Variants in HIVEP3 observed in about 807,000 individuals in gnomAD.
HIVEP3 encodes the protein transcription factor HIVEP3.
In HIVEP3, 49 loss-of-function variants were observed where a neutral mutation model predicts 152.8. That is an observed-to-expected ratio of 0.32 (90% CI 0.26 to 0.41). The LOEUF is 0.41. HIVEP3 is among the 10% of genes least tolerant of loss of function. The probability of loss-of-function intolerance (pLI) is 1.00; values close to 1 mark genes in which losing one functional copy is unlikely to be tolerated. For synonymous variants in HIVEP3, 1,269 were observed against 1,289.0 expected (o/e 0.98, Z 0.33); for missense variants, 2,790 against 3,103.3 (o/e 0.90, Z 2.40).
At chr1:41,927,843 C>T (rs774563013) in intron 1 of HIVEP3, among the ~76,000 whole-genome samples, 41 of 152,122 alleles carry the variant, frequency 2.7e-4, no homozygotes, top group Non-Finnish European at 5.9e-4. Flanking sequence ...GGGCAGATCA[C>T]GAAGTCAGGA....
At chr1:41,899,311 G>A (rs1209793124) in intron 1 of HIVEP3, among the ~76,000 whole-genome samples, 1 of 152,194 alleles carries the variant, frequency 6.6e-6, no homozygotes, top group Admixed American at 6.5e-5. Flanking sequence ...AGAAGAGTAG[G>A]ATGTCTACCT....
chr1:41,877,131 C>G (rs139621031), intron 1 of HIVEP3, among the ~76,000 whole-genome samples: 201 of 152,254 alleles, frequency 1.3e-3, no homozygotes, highest in African/African-American at 4.6e-3. Context: ...CAGGAGAATA[C>G]CTTAATTTAA....
At chr1:41,827,854 C>A (rs1235684539) in intron 1 of HIVEP3, among the ~76,000 whole-genome samples, 2 of 151,550 alleles carry the variant, frequency 1.3e-5, no homozygotes, top group African/African-American at 4.9e-5. Context: ...AGGATATGGG[C>A]AGGGCTTGGG....
chr1:41,615,815 CTTTTTTTTTTTTTT>C (rs747478470), intron 3 of HIVEP3, among the ~76,000 whole-genome samples: 17 of 47,022 alleles, frequency 3.6e-4, no homozygotes, highest in Admixed American at 1.1e-3. Flanking sequence ...TTTGACAAGT[CTTTTTTTTTTTTTT>C]TTTTTTTTTT....
chr1:41,947,250 C>T (rs916214655), intron 1 of HIVEP3, among the ~76,000 whole-genome samples: 5 of 152,156 alleles, frequency 3.3e-5, no homozygotes, highest in African/African-American at 1.2e-4. Context: ...TTTAGCCACC[C>T]GTTCAGAAAC....
chr1:41,677,622 T>C (rs1645976439), intron 2 of HIVEP3, among the ~76,000 whole-genome samples: 1 of 152,240 alleles, frequency 6.6e-6, no homozygotes, highest in Non-Finnish European at 1.5e-5. Context: ...CAGCTAGTCT[T>C]GTTTCTAAGA....
chr1:41,980,752 T>C (rs80135316), intron 1 of HIVEP3, among the ~76,000 whole-genome samples: 2,298 of 152,310 alleles, frequency 0.015, 57 homozygotes, highest in African/African-American at 0.053. Context: ...CTGAGGGCCA[T>C]GGGCTCGAGC....
At chr1:41,824,923 G>T (rs12070943) in intron 1 of HIVEP3, among the ~76,000 whole-genome samples, 6,674 of 151,386 alleles carry the variant, frequency 0.044, 504 homozygotes, top group African/African-American at 0.15. Context: ...GCACAGGCTG[G>T]AGGGCAATGG....
intron 1 of HIVEP3, among the ~76,000 whole-genome samples, chr1:41,806,860 G>A (rs1650652021): frequency 2.6e-5 from 4 of 152,104 alleles, no homozygotes; most frequent in South Asian, 2.1e-4. Context: ...AGGTCAAGAC[G>A]ACAGGACTGA....
At chr1:41,621,890 T>A (rs1349077152) in intron 3 of HIVEP3, among the ~76,000 whole-genome samples, 2 of 152,188 alleles carry the variant, frequency 1.3e-5, no homozygotes, top group Admixed American at 6.5e-5. Context: ...CAAGTCTCTT[T>A]CCCACCCTGC....
intron 1 of HIVEP3, among the ~76,000 whole-genome samples, chr1:41,863,449 T>G (rs525382): frequency 0.91 from 137,873 of 152,240 alleles, 62,754 homozygotes; most frequent in African/African-American, 0.98. Flanking sequence ...TATAGGTTCT[T>G]GGAATGGGAC....
intron 5 of HIVEP3, among the ~76,000 whole-genome samples, chr1:41,541,297 T>G (rs1194992013): frequency 6.6e-6 from 1 of 152,214 alleles, no homozygotes; most frequent in Admixed American, 6.5e-5. Context: ...ATTTCTCTAA[T>G]CCACTCTATG....
chr1:41,863,610 G>A (rs1396503689), intron 1 of HIVEP3, among the ~76,000 whole-genome samples: 1 of 152,208 alleles, frequency 6.6e-6, no homozygotes, highest in African/African-American at 2.4e-5. Flanking sequence ...CCAAGAGCAT[G>A]ATTCTAATTC....
At chr1:41,815,957 T>A (rs1181677631) in intron 1 of HIVEP3, among the ~76,000 whole-genome samples, 3 of 152,092 alleles carry the variant, frequency 2.0e-5, no homozygotes, top group South Asian at 4.1e-4. Context: ...ATTAAACCAC[T>A]GAAGCCCACG....
At chr1:42,033,618 T>C (rs1645625331) in intron 1 of HIVEP3, among the ~76,000 whole-genome samples, 1 of 152,202 alleles carries the variant, frequency 6.6e-6, no homozygotes. Context: ...ATTCCACCAA[T>C]GAGGAATTGA....
chr1:41,827,133 G>C (rs953890577), intron 1 of HIVEP3, among the ~76,000 whole-genome samples: 1 of 152,190 alleles, frequency 6.6e-6, no homozygotes, highest in African/African-American at 2.4e-5. Flanking sequence ...CCAGGGGGCT[G>C]CTGACGGCCA....
chr1:41,662,343 G>A lies in HIVEP3; in HGVS notation c.-720-33396C>T, dbSNP rs1212844019. 2 of 145,552 alleles carry A rather than the reference G, an allele frequency of 1.4e-5. No individual in the cohort carries two copies. Among genetic ancestry groups the A allele is most frequent in the Admixed American group, 6.8e-5 (1 of 14,614 alleles). The allele number at this position is 145,552 out of a possible 1,614,324, so 9.0% of individuals were successfully genotyped here. A position where few individuals can be genotyped will look rare whatever the true frequency, so the allele number is the denominator to read the frequency against. On this transcript the variant is annotated intron_variant, in intron 2 of 8. Transcript: ENST00000372583. The surrounding 1 kb of genome is among the most constrained non-coding windows in gnomAD (Gnocchi z 7.2). Reference sequence around the variant, plus strand: ...CGGGGCGGGCTGGCGGGCGGGCGCCGGCGGCGGGCGCGGCTCCGGGCCGCC... The same window carrying A: ...CGGGGCGGGCTGGCGGGCGGGCGCCAGCGGCGGGCGCGGCTCCGGGCCGCC...
At chr1:41,622,350 G>A (rs945238358) in intron 3 of HIVEP3, among the ~76,000 whole-genome samples, 2 of 152,156 alleles carry the variant, frequency 1.3e-5, no homozygotes, top group Non-Finnish European at 2.9e-5. Context: ...AGCAGCACAC[G>A]CAAAGGATTA....
At chr1:41,854,157 C>G (rs987050609) in intron 1 of HIVEP3, among the ~76,000 whole-genome samples, 3 of 152,178 alleles carry the variant, frequency 2.0e-5, no homozygotes, top group African/African-American at 7.2e-5. Flanking sequence ...CTCTCTCTCT[C>G]TCTCTCTCAG....
Sources: allele counts gnomAD v4.1 joint callset (sites outside exome capture counted in the v4.1 genomes callset), GRCh38; gene constraint gnomAD v4.1.1; non-coding constraint Gnocchi (gnomAD v3.1); transcripts MANE v1.5; gene names NCBI Gene and HGNC (gene_info 2026-07-23, HGNC 2026-07-21).